Variants in PIK3C2B observed in about 807,000 individuals in gnomAD.
The protein encoded by PIK3C2B is phosphatidylinositol-4-phosphate 3-kinase catalytic subunit type 2 beta.
PIK3C2B carries 83 observed loss-of-function variants against 184.3 expected under a neutral mutation model. That is an observed-to-expected ratio of 0.45 (90% confidence interval 0.38 to 0.54). The LOEUF (loss-of-function observed/expected upper bound fraction) is 0.54. Among genes scored for constraint, PIK3C2B ranks in the 20% least tolerant of loss-of-function variants. PIK3C2B has a pLI of 0.00. For missense variants in PIK3C2B, 1,736 were observed against 2,113.5 expected (o/e 0.82, Z 3.50); for synonymous variants, 779 against 837.6 (o/e 0.93, Z 1.21).
Position 204,424,902 on chromosome 1 carries a change from C to T in PIK3C2B, c.4855G>A (p.Glu1619Lys). The T allele has an allele frequency of 6.2e-7, 1 of 1,614,248 alleles. No homozygotes were observed. The highest frequency in any genetic ancestry group is 1.3e-5 in the African/African-American group (1 of 75,064). Residue 1619 changes from glutamate (E) to lysine (K), a missense_variant, in exon 33 of 33, where the codon GAG becomes AAG. Physicochemically the swap from Glu to Lys is moderately conservative, Grantham distance 56. This residue lies in a region of PIK3C2B where 95 missense variants were observed against 164.2 expected (regional missense o/e 0.58). Transcript: ENST00000684373. The stretch of plus-strand genomic sequence containing the variant: ...CCCAGGGCGAACCAGCCGGTCTTCT[C>T]CTGAGCCAGGTCCAGCTCTCGCAGG... ...IRLRELDLAQ[E>K]KTGWFALGSR...
At chr1:204,489,471 C>T (rs1209505864) in intron 1 of PIK3C2B, among the ~76,000 whole-genome samples, 1 of 143,046 alleles carries the variant, frequency 7.0e-6, no homozygotes, top group Non-Finnish European at 1.6e-5. Context: ...TTCCTGGCCC[C>T]TATCTTTTAA....
chr1:204,464,277 A>G, intron 4 of PIK3C2B, 145 bp from the exon 5 acceptor site: 1 of 1,164,460 alleles, frequency 8.6e-7, no homozygotes, highest in Admixed American at 2.1e-5. Flanking sequence ...TTCAGAGTTG[A>G]GGAAAGTGAC....
Position 204,449,205 on chromosome 1 carries a change from G to A in PIK3C2B, c.2326C>T (p.Pro776Ser). 3 of 1,611,702 alleles carry A rather than the reference G, an allele frequency of 1.9e-6. No homozygotes were observed. The highest frequency in any genetic ancestry group is 2.5e-6 in the Non-Finnish European group (3 of 1,178,922). The change falls in exon 14 of 33, where the codon CCA (proline) becomes TCA (serine). Residue 776 changes from proline (P) to serine (S), a missense_variant. By Grantham distance (74) the Pro-to-Ser change is moderately conservative. Around this residue, in one of 8 missense-constraint regions of PIK3C2B, gnomAD observed 609 missense variants for 699.2 expected, o/e 0.87. Transcript: ENST00000684373. ...CTCACCTGCAGGATGACACTGTCTG[G>A]CTGGTGGAAATTAGGTGCACTCCAA... ...ARWSAPNFHQ[P>S]DSVILQIDFP...
chr1:204,479,297 A>G (rs1297799773), intron 1 of PIK3C2B, among the ~76,000 whole-genome samples: 2 of 84,588 alleles, frequency 2.4e-5, no homozygotes, highest in African/African-American at 7.0e-5. Flanking sequence ...CTTCTCATCC[A>G]GTTCACCCCA....
chr1:204,480,186 ATC>A (rs755635381), intron 1 of PIK3C2B, among the ~76,000 whole-genome samples: 12 of 152,248 alleles, frequency 7.9e-5, no homozygotes, highest in Non-Finnish European at 1.6e-4. Context: ...CAGTGAGACC[ATC>A]CTCCAGAAGG....
chr1:204,437,705 T>C (rs1431380133), intron 23 of PIK3C2B, among the ~76,000 whole-genome samples: 1 of 152,044 alleles, frequency 6.6e-6, no homozygotes, highest in Non-Finnish European at 1.5e-5. Context: ...GAGGGAAGCA[T>C]CAGGAAGACC....
intron 22 of PIK3C2B, 39 bp downstream of exon 22, chr1:204,440,153 C>G (rs3014631): frequency 0.99 from 1,561,598 of 1,584,250 alleles, 772,170 homozygotes; most frequent in East Asian, 1. Context: ...ATAAGCAAAG[C>G]GGTCCCCTCC....
intron 27 of PIK3C2B, 95 bp from the exon 28 acceptor site, chr1:204,431,888 GGAGGGGCACATTCCAGAAGGAAGA>G: frequency 7.3e-7 from 1 of 1,372,432 alleles, no homozygotes; most frequent in Non-Finnish European, 1.0e-6. Flanking sequence ...TGTGCTGAGG[GGAGGGGCACATTCCAGAAGGAAGA>G]GAGCAAGAGT....
In PIK3C2B at chr1:204,469,478, G is replaced by A; in HGVS notation, c.325C>T (p.Gln109Ter). 6.2e-7 allele frequency: 1 copy of A among 1,605,456 alleles called. No homozygotes were observed. The highest frequency in any genetic ancestry group is 1.1e-5 in the South Asian group (1 of 89,434). Reference sequence around the variant, plus strand: ...GGATCTGAGCCAGGCTGTGGCCCTTGGGAGGTAGAGTGGTTGGGCGGCCCT... The same window carrying A: ...GGATCTGAGCCAGGCTGTGGCCCTTAGGAGGTAGAGTGGTTGGGCGGCCCT... ...QEGPPNHSTS[Q>*]GPQPGSDPWP... is the part of the protein sequence containing the mutation. Residue 109 changes from glutamine to a stop codon, truncating the protein, a stop_gained, in exon 2 of 33, where the codon CAA becomes TAA. Coordinates refer to ENST00000684373, the MANE Select transcript of PIK3C2B (RefSeq NM_001377334.1). LOFTEE classifies it high-confidence loss of function.
Position 204,431,659 on chromosome 1 carries a change from G to A in PIK3C2B, c.4280+10C>T, listed in dbSNP as rs1011287957. On this transcript the variant is annotated intron_variant, in intron 28 of 32. Coordinates refer to ENST00000684373, the MANE Select transcript of PIK3C2B (RefSeq NM_001377334.1). ...CATCCCTCTGTGCAGATAGTAAAGG[G>A]GGCAGCTACCTGGGCAAGTGGGAAG... 2.5e-6 allele frequency: 4 copies of A among 1,613,758 alleles called. No individual in the cohort carries two copies. Among genetic ancestry groups the A allele is most frequent in the Admixed American group, 3.3e-5 (2 of 60,008 alleles).
At chr1:204,459,379 TTGAC>T (rs1330321688) in intron 8 of PIK3C2B, among the ~76,000 whole-genome samples, 1 of 152,258 alleles carries the variant, frequency 6.6e-6, no homozygotes, top group Non-Finnish European at 1.5e-5. Flanking sequence ...AAGACAAATG[TTGAC>T]TCTCATGGTT....
At chr1:204,488,494 G>C (rs1657784524) in intron 1 of PIK3C2B, among the ~76,000 whole-genome samples, 1 of 152,178 alleles carries the variant, frequency 6.6e-6, no homozygotes, top group African/African-American at 2.4e-5. Context: ...AGTGGACTAA[G>C]AACTATGAGT....
At chr1:204,429,810 G>A (rs2271418) in intron 29 of PIK3C2B, 111 bp downstream of exon 29, 74,189 of 721,678 alleles carry the variant, frequency 0.1, 4,883 homozygotes, top group African/African-American at 0.26. Flanking sequence ...CACAGACCCC[G>A]AAGTGCCAAG....
At chr1:204,488,857 G>A (rs1201668762) in intron 1 of PIK3C2B, among the ~76,000 whole-genome samples, 1 of 152,174 alleles carries the variant, frequency 6.6e-6, no homozygotes, top group East Asian at 1.9e-4. Context: ...AAAGTCACTA[G>A]TAAACAATCA....
At chr1:204,425,764 A>C in intron 31 of PIK3C2B, 23 bp from the exon 32 acceptor site, 1 of 1,610,172 alleles carries the variant, frequency 6.2e-7, no homozygotes, top group Non-Finnish European at 8.5e-7. Context: ...GAGAACCAAA[A>C]AAATGTTAAG....
chr1:204,442,495 T>C, intron 20 of PIK3C2B, 31 bp downstream of exon 20: 1 of 1,453,948 alleles, frequency 6.9e-7, no homozygotes, highest in Non-Finnish European at 9.5e-7. Flanking sequence ...GCCCTCCCAC[T>C]CTGAGAGCCC....
Position 204,433,752 on chromosome 1 carries a change from T to C in PIK3C2B, c.3843+41A>G. ...GGGAAGTCTTAAAGATGATGCCAGA[T>C]AATAAGAAGAAGGTATTCGGAAAGG... On this transcript the variant is annotated intron_variant, in intron 25 of 32. Transcript: ENST00000684373. This position sits in a 1 kb window ranked among gnomAD's most constrained non-coding sequence, Gnocchi z 5.0. The C allele has an allele frequency of 1.9e-6, 3 of 1,578,184 alleles. No homozygotes were observed. The highest frequency in any genetic ancestry group is 2.6e-6 in the Non-Finnish European group (3 of 1,148,406).
chr1:204,486,793 C>T (rs1440088900), intron 1 of PIK3C2B, among the ~76,000 whole-genome samples: 1 of 151,998 alleles, frequency 6.6e-6, no homozygotes, highest in East Asian at 1.9e-4. Context: ...AAGTAACATC[C>T]TTCATTTTTT....
Position 204,469,058 on chromosome 1 carries a change from A to C in PIK3C2B, c.745T>G (p.Leu249Val), listed in dbSNP as rs147777118. 4.5e-4 allele frequency: 725 copies of C among 1,614,072 alleles called. No individual in the cohort carries two copies. The highest frequency in any genetic ancestry group is 5.9e-4 in the Non-Finnish European group (693 of 1,180,036). The change falls in exon 2 of 33, where the codon TTG becomes GTG. Residue 249 changes from leucine (L) to valine (V), a missense_variant. Leu to Val is a conservative substitution (Grantham distance 32, BLOSUM62 1). Coordinates refer to ENST00000684373, the MANE Select transcript of PIK3C2B (RefSeq NM_001377334.1). ...TTCCAGCCCCTGGTGGCATCCCGCAACATCTCCGCATCATAGGTCGATTTC... is the reference window on the plus strand; with the variant it reads ...TTCCAGCCCCTGGTGGCATCCCGCACCATCTCCGCATCATAGGTCGATTTC... Reference protein sequence around the residue: ...NLKSTYDAEMLRDATRGWKEG... With the variant: ...NLKSTYDAEMVRDATRGWKEG...
Sources: gnomAD v4.1 joint callset for allele counts (sites outside exome capture counted in the v4.1 genomes callset) on GRCh38, gnomAD v4.1.1 for gene constraint, gnomAD v4.1.1 regional missense constraint, Gnocchi (gnomAD v3.1) non-coding constraint, MANE v1.5 for transcripts, NCBI Gene and HGNC (gene_info 2026-07-23, HGNC 2026-07-21) for gene names.